The following METTL15 variants were observed in gnomAD, a reference collection of about 807,000 sequenced individuals.
The protein encoded by METTL15 is methyltransferase 15, mitochondrial 12S rRNA N4-cytidine.
In METTL15, 34 loss-of-function variants were observed where a neutral mutation model predicts 38.3. The observed-to-expected ratio is 0.89, with a 90% confidence interval of 0.68 to 1.18. The LOEUF (loss-of-function observed/expected upper bound fraction) is 1.18. METTL15 is among the 50% of genes most tolerant of loss of function. The pLI, the probability that METTL15 is intolerant of heterozygous loss-of-function variation, is 0.00. For synonymous variants in METTL15, 162 were observed against 170.9 expected, an observed-to-expected ratio of 0.95 and a Z score of 0.41; for missense variants, 438 against 498.4, an observed-to-expected ratio of 0.88 and a Z score of 1.15.
intron 6 of METTL15, among the ~76,000 whole-genome samples, chr11:28,459,133 T>G (rs550376041): frequency 1.3e-5 from 2 of 152,252 alleles, no homozygotes; most frequent in Non-Finnish European, 2.9e-5. Flanking sequence ...GTCTTCCATA[T>G]CTTTTGGTAT....
intron 3 of METTL15, chr11:28,163,971 A>T (rs533283661): frequency 6.6e-6 from 1 of 152,248 alleles, no homozygotes; most frequent in East Asian, 1.9e-4. Context: ...TTACTTTATA[A>T]TTAATGGGAT....
intron 6 of METTL15, among the ~76,000 whole-genome samples, chr11:28,325,988 AAGG>A (rs1849622930): frequency 6.6e-6 from 1 of 152,328 alleles, no homozygotes; most frequent in East Asian, 1.9e-4. Flanking sequence ...AACACACAAA[AAGG>A]AGATTTTCTC....
intron 3 of METTL15, among the ~76,000 whole-genome samples, chr11:28,186,585 A>G (rs1590126188): frequency 6.6e-6 from 1 of 151,188 alleles, no homozygotes; most frequent in Non-Finnish European, 1.5e-5. Flanking sequence ...TTTTCATCAT[A>G]TACAAAAATA....
chr11:28,180,876 A>G (rs1260908387), intron 3 of METTL15, among the ~76,000 whole-genome samples: 3 of 151,836 alleles, frequency 2.0e-5, no homozygotes, highest in Non-Finnish European at 4.4e-5. Context: ...AGTGTTTGTT[A>G]TCAGTTTATT....
intron 4 of METTL15, among the ~76,000 whole-genome samples, chr11:28,282,674 A>G (rs1189165051): frequency 6.6e-6 from 1 of 152,158 alleles, no homozygotes; most frequent in African/African-American, 2.4e-5. Context: ...ATTGCCCTAC[A>G]TTGTTACTTT....
chr11:28,314,000 G>C lies in METTL15; in HGVS notation c.779-16396G>C, dbSNP rs1006609608. Reference sequence around the variant, plus strand: ...TGGGCACTATTTCTACAGCAATTTAGTGGTATAGAGCAGGTAGGAAAATAA... The same window carrying C: ...TGGGCACTATTTCTACAGCAATTTACTGGTATAGAGCAGGTAGGAAAATAA... On this transcript the variant is annotated intron_variant, in intron 6 of 6. Coordinates refer to ENST00000407364, the MANE Select transcript of METTL15 (RefSeq NM_001113528.2). Among the ~76,000 whole-genome samples, 7 of 152,256 alleles carry C rather than the reference G, an allele frequency of 4.6e-5. No homozygotes were observed. In the South Asian group the frequency reaches 1.5e-3, roughly 32 times the overall value.
At chr11:28,341,702 G>T (rs1185111774) in intron 3 of METTL15, among the ~76,000 whole-genome samples, 3 of 152,122 alleles carry the variant, frequency 2.0e-5, no homozygotes, top group Non-Finnish European at 2.9e-5. Context: ...AGTTACCGTT[G>T]TACTAGTTTG....
At chr11:28,491,623 C>T (rs1851495534) in intron 6 of METTL15, among the ~76,000 whole-genome samples, 1 of 152,104 alleles carries the variant, frequency 6.6e-6, no homozygotes, top group Non-Finnish European at 1.5e-5. Context: ...ACTTCTGACT[C>T]ATCCTTAATG....
chr11:28,294,280 A>G (rs1026642251), intron 5 of METTL15, among the ~76,000 whole-genome samples: 1 of 152,138 alleles, frequency 6.6e-6, no homozygotes, highest in Non-Finnish European at 1.5e-5. Flanking sequence ...TTGAAAAAGA[A>G]AAGTCATAGA....
At chr11:28,530,639 C>A (rs374007835), downstream of METTL15, among the ~76,000 whole-genome samples, 56 of 152,102 alleles carry the variant, frequency 3.7e-4, no homozygotes, top group African/African-American at 1.2e-3. Flanking sequence ...TAAAGACATG[C>A]GCACAATTGA....
At chr11:28,270,233 T>A (rs1855588555) in intron 4 of METTL15, among the ~76,000 whole-genome samples, 1 of 152,214 alleles carries the variant, frequency 6.6e-6, no homozygotes, top group South Asian at 2.1e-4. Context: ...TTTTTTGTAT[T>A]TTGACATATT....
intron 6 of METTL15, among the ~76,000 whole-genome samples, chr11:28,309,329 C>T (rs919440237): frequency 6.6e-6 from 1 of 152,174 alleles, no homozygotes; most frequent in Non-Finnish European, 1.5e-5. Flanking sequence ...CCTCTTTAAA[C>T]TGTTCTTGGT....
intron 6 of METTL15, among the ~76,000 whole-genome samples, chr11:28,299,594 C>A (rs1175823110): frequency 6.6e-6 from 1 of 152,086 alleles, no homozygotes; most frequent in South Asian, 2.1e-4. Context: ...ATCCTACCCT[C>A]ACACAATTTG....
chr11:28,240,765 A>C (rs1475182151), intron 4 of METTL15, among the ~76,000 whole-genome samples: 1 of 152,216 alleles, frequency 6.6e-6, no homozygotes, highest in Non-Finnish European at 1.5e-5. Flanking sequence ...TCAGATGTTA[A>C]GAAAATTTAA....
intron 4 of METTL15, among the ~76,000 whole-genome samples, chr11:28,247,116 G>A (rs1027742694): frequency 3.3e-5 from 5 of 151,990 alleles, no homozygotes; most frequent in South Asian, 2.1e-4. Flanking sequence ...TCTAAATACC[G>A]TATCAAGTAT....
chr11:28,296,801 A>G lies in METTL15; in HGVS notation c.648A>G (p.Gln216=). The G allele has an allele frequency of 6.2e-7, 1 of 1,613,472 alleles. No individual in the cohort carries two copies. Among genetic ancestry groups the G allele is most frequent in the Non-Finnish European group, 8.5e-7 (1 of 1,179,648 alleles). Residue 216 remains glutamine (Q), a synonymous_variant, in exon 6 of 7, where the codon CAA becomes CAG. Transcript: ENST00000407364. ...CTGATGTTGTGAATGCTTTAGATCA[A>G]CAGGCACTTGCATCTATCCTAAGAA... ...TAADVVNALD[Q]QALASILRTY...
chr11:28,462,479 TACACACACACACACACACACAC>T (rs10573384), intron 6 of METTL15, among the ~76,000 whole-genome samples: 1 of 146,328 alleles, frequency 6.8e-6, no homozygotes, highest in East Asian at 2.1e-4. Flanking sequence ...CATACACGCT[TACACACACACACACACACACAC>T]ACACACACAC....
intron 3 of METTL15, among the ~76,000 whole-genome samples, chr11:28,173,686 T>C (rs1850943014): frequency 6.6e-6 from 1 of 152,234 alleles, no homozygotes; most frequent in Non-Finnish European, 1.5e-5. Context: ...TTTTACCTAA[T>C]GTTCTTTTCC....
chr11:28,463,819 G>A (rs4582963), intron 6 of METTL15, among the ~76,000 whole-genome samples: 152,195 of 152,202 alleles, frequency 1, 76,094 homozygotes, highest in Non-Finnish European at 1. Context: ...TGCATATGTA[G>A]CACCTGATTC....
Sources: allele counts gnomAD v4.1 joint callset (sites outside exome capture counted in the v4.1 genomes callset), GRCh38; gene constraint gnomAD v4.1.1; transcripts MANE v1.5; gene names NCBI Gene and HGNC (gene_info 2026-07-23, HGNC 2026-07-21).